The following PLD5 variants were observed in gnomAD, a reference collection of about 807,000 sequenced individuals.
The protein encoded by PLD5 is phospholipase D family member 5, also known as inactive phospholipase D5.
In PLD5, 36 loss-of-function variants were observed where a neutral mutation model predicts 61.1. That is an observed-to-expected ratio of 0.59 (90% CI 0.45 to 0.78). The LOEUF is 0.78. Ranked by LOEUF, PLD5 falls within the 30% of genes least tolerant of loss-of-function variation. The pLI, the probability that PLD5 is intolerant of heterozygous loss-of-function variation, is 0.00. For missense variants in PLD5, 515 were observed against 644.4 expected, an observed-to-expected ratio of 0.80 and a Z score of 2.17; for synonymous variants, 243 against 242.8, an observed-to-expected ratio of 1.00 and a Z score of -0.01.
chr1:242,194,594 C>A (rs1235089797), intron 5 of PLD5, among the ~76,000 whole-genome samples: 1 of 70,648 alleles, frequency 1.4e-5, no homozygotes, highest in African/African-American at 6.3e-5. Context: ...ATCTATCTAT[C>A]TATCTATCTA....
intron 5 of PLD5, among the ~76,000 whole-genome samples, chr1:242,199,228 T>A (rs993859955): frequency 1.3e-5 from 2 of 152,128 alleles, no homozygotes; most frequent in Non-Finnish European, 2.9e-5. Context: ...TTTATTTTTT[T>A]AAATGTTATT....
chr1:242,329,068 G>A (rs1411612774), intron 2 of PLD5, among the ~76,000 whole-genome samples: 1 of 151,908 alleles, frequency 6.6e-6, no homozygotes, highest in Non-Finnish European at 1.5e-5. Flanking sequence ...GAGTGCAGTG[G>A]TGTGATCTTG....
At chr1:242,166,987 C>G (rs1329560811) in intron 5 of PLD5, among the ~76,000 whole-genome samples, 1 of 151,510 alleles carries the variant, frequency 6.6e-6, no homozygotes, top group Non-Finnish European at 1.5e-5. Context: ...CCTAATTTGC[C>G]TTTATAAATT....
chr1:242,431,876 A>T (rs1427251980), intron 1 of PLD5, among the ~76,000 whole-genome samples: 1 of 152,204 alleles, frequency 6.6e-6, no homozygotes, highest in Non-Finnish European at 1.5e-5. Context: ...AAAGTTAGAG[A>T]AGGTCTCTGC....
chr1:242,284,636 C>T (rs1020836706), intron 3 of PLD5, among the ~76,000 whole-genome samples: 4 of 152,134 alleles, frequency 2.6e-5, no homozygotes, highest in Non-Finnish European at 5.9e-5. Flanking sequence ...TGGCTTTTGG[C>T]CAGTGGAGAC....
chr1:242,251,773 T>C (rs148479931), intron 4 of PLD5, among the ~76,000 whole-genome samples: 12,769 of 151,712 alleles, frequency 0.084, 670 homozygotes, highest in East Asian at 0.16. Flanking sequence ...AATGTAAAGG[T>C]AAGAGAGAAA....
At chr1:242,102,701 C>T (rs981705484) in intron 8 of PLD5, among the ~76,000 whole-genome samples, 1 of 152,210 alleles carries the variant, frequency 6.6e-6, no homozygotes, top group Non-Finnish European at 1.5e-5. Context: ...TTCCAATCCT[C>T]ACTTTTCTTG....
intron 1 of PLD5, among the ~76,000 whole-genome samples, chr1:242,469,102 T>C (rs1424560619): frequency 6.6e-6 from 1 of 152,212 alleles, no homozygotes; most frequent in African/African-American, 2.4e-5. Flanking sequence ...CTGGATTGCC[T>C]CTTTGTTTAC....
chr1:242,425,597 T>G (rs1558556207), intron 1 of PLD5, among the ~76,000 whole-genome samples: 1 of 152,044 alleles, frequency 6.6e-6, no homozygotes, highest in Non-Finnish European at 1.5e-5. Context: ...TGTTTAAACA[T>G]TTTTCTTTCT....
intron 1 of PLD5, among the ~76,000 whole-genome samples, chr1:242,470,775 T>G (rs1667426910): frequency 6.6e-6 from 1 of 152,222 alleles, no homozygotes; most frequent in Admixed American, 6.5e-5. Context: ...CATGTCTACC[T>G]TCATTTACCC....
chr1:242,465,358 G>T (rs1369263313), intron 1 of PLD5, among the ~76,000 whole-genome samples: 1 of 152,102 alleles, frequency 6.6e-6, no homozygotes, highest in Non-Finnish European at 1.5e-5. Flanking sequence ...CTCCTAATTG[G>T]TCTCCTTTAT....
chr1:242,104,645 G>A (rs1446706313), intron 8 of PLD5, among the ~76,000 whole-genome samples: 1 of 152,030 alleles, frequency 6.6e-6, no homozygotes, highest in Non-Finnish European at 1.5e-5. Flanking sequence ...TATAAAATAG[G>A]GAAAGTACCT....
chr1:242,267,827 G>T (rs1449964301), intron 3 of PLD5, among the ~76,000 whole-genome samples: 2 of 149,670 alleles, frequency 1.3e-5, no homozygotes, highest in Non-Finnish European at 3.0e-5. Context: ...GATGCAGTGA[G>T]CCATGATTGT....
chr1:242,110,507 C>T (rs1303456148), intron 7 of PLD5, among the ~76,000 whole-genome samples: 1 of 152,026 alleles, frequency 6.6e-6, no homozygotes, highest in Non-Finnish European at 1.5e-5. Flanking sequence ...ACACAGTGCT[C>T]AATAAATATT....
intron 5 of PLD5, among the ~76,000 whole-genome samples, chr1:242,191,128 T>G (rs899153182): frequency 8.9e-5 from 12 of 135,008 alleles, no homozygotes; most frequent in African/African-American, 4.2e-4. Flanking sequence ...ACTATGGAGT[T>G]TTTTTTTTTT....
chr1:242,249,563 CT>C (rs1404496497), intron 4 of PLD5, among the ~76,000 whole-genome samples: 1 of 152,186 alleles, frequency 6.6e-6, no homozygotes, highest in African/African-American at 2.4e-5. Context: ...ATACCCTTGA[CT>C]TTTTCTTGAG....
At chr1:242,462,847 G>A (rs1667161737) in intron 1 of PLD5, among the ~76,000 whole-genome samples, 1 of 152,050 alleles carries the variant, frequency 6.6e-6, no homozygotes, top group African/African-American at 2.4e-5. Flanking sequence ...ACTCCTCAGT[G>A]GCACCATTAT....
At chr1:242,508,604 A>G (rs1187433624) in intron 1 of PLD5, among the ~76,000 whole-genome samples, 1 of 152,190 alleles carries the variant, frequency 6.6e-6, no homozygotes, top group African/African-American at 2.4e-5. Context: ...TCTGTCTGCA[A>G]ATCTTTTTGC....
chr1:242,155,078 G>T (rs1031014609), intron 5 of PLD5, among the ~76,000 whole-genome samples: 1 of 152,268 alleles, frequency 6.6e-6, no homozygotes, highest in East Asian at 1.9e-4. Context: ...ACTTGGGAGG[G>T]TGTATGTGTC....
Sources: gnomAD v4.1 joint callset for allele counts (sites outside exome capture counted in the v4.1 genomes callset) on GRCh38, gnomAD v4.1.1 for gene constraint, MANE v1.5 for transcripts, NCBI Gene and HGNC (gene_info 2026-07-23, HGNC 2026-07-21) for gene names.